The following IGSF11 variants were observed in gnomAD, a reference collection of about 807,000 sequenced individuals.
The protein encoded by IGSF11 is immunoglobulin superfamily member 11, also known as CXADR like 1.
IGSF11 carries 22 observed loss-of-function variants against 41.0 expected under a neutral mutation model. The ratio of observed to expected loss-of-function variants is 0.54; its 90% CI spans 0.38 to 0.77. The LOEUF (loss-of-function observed/expected upper bound fraction) is 0.77. Ranked by LOEUF, IGSF11 falls within the 30% of genes least tolerant of loss-of-function variation. The probability of loss-of-function intolerance (pLI) is 0.00; values close to 1 mark genes in which losing one functional copy is unlikely to be tolerated. For missense variants in IGSF11, 444 were observed against 530.8 expected, an observed-to-expected ratio of 0.84 and a Z score of 1.61; for synonymous variants, 219 against 201.3, an observed-to-expected ratio of 1.09 and a Z score of -0.74.
At chr3:119,023,401 T>C (rs1306424425) in intron 1 of IGSF11, among the ~76,000 whole-genome samples, 1 of 151,904 alleles carries the variant, frequency 6.6e-6, no homozygotes, top group African/African-American at 2.4e-5. Flanking sequence ...TGCCTACAAA[T>C]GGACTATGGG....
At chr3:118,962,736 G>T (rs1169951719) in intron 1 of IGSF11, among the ~76,000 whole-genome samples, 4 of 152,082 alleles carry the variant, frequency 2.6e-5, no homozygotes, top group Admixed American at 1.3e-4. Flanking sequence ...AAAAATAAAG[G>T]CTAGAATTCT....
intron 1 of IGSF11, among the ~76,000 whole-genome samples, chr3:119,134,972 C>G (rs1432016374): frequency 2.0e-5 from 3 of 152,180 alleles, no homozygotes; most frequent in Admixed American, 1.3e-4. Context: ...AAATGATTCC[C>G]TATTTAAAAG....
intron 1 of IGSF11, among the ~76,000 whole-genome samples, chr3:119,093,868 A>G (rs1470660243): frequency 6.6e-6 from 1 of 152,172 alleles, no homozygotes; most frequent in Non-Finnish European, 1.5e-5. Flanking sequence ...AAGTGAATAT[A>G]TGGATAATTT....
chr3:118,905,775 G>A, intron 4 of IGSF11, 57 bp from the exon 5 acceptor site: 1 of 1,594,266 alleles, frequency 6.3e-7, no homozygotes, highest in Non-Finnish European at 8.6e-7. Context: ...CAAAACCAAA[G>A]AAATCAGCGG....
chr3:119,037,415 C>G (rs2107745182), upstream of IGSF11, among the ~76,000 whole-genome samples: 1 of 152,238 alleles, frequency 6.6e-6, no homozygotes, highest in East Asian at 1.9e-4. Context: ...TACTTGCCTC[C>G]TAAAGATTTA....
intron 1 of IGSF11, among the ~76,000 whole-genome samples, chr3:119,072,465 G>A (rs190638310): frequency 9.2e-5 from 14 of 152,276 alleles, no homozygotes; most frequent in East Asian, 5.8e-4. Flanking sequence ...GAATGAAGCC[G>A]CGGACCCTCG....
intron 1 of IGSF11, among the ~76,000 whole-genome samples, chr3:119,062,384 T>A (rs1942082339): frequency 1.3e-5 from 2 of 152,192 alleles, no homozygotes. Flanking sequence ...ACATTAACAC[T>A]TCCACAAATG....
At position 118,904,817 on chromosome 3, in the gene IGSF11, A is replaced by G. The variant is rs1195012031; in HGVS notation, c.704-19T>C. 4.4e-6 allele frequency: 7 copies of G among 1,574,266 alleles called. No individual in the cohort carries two copies. Among genetic ancestry groups the G allele is most frequent in the South Asian group, 2.4e-5 (2 of 83,318 alleles). On this transcript the variant is annotated intron_variant, in intron 5 of 6. Transcript: ENST00000393775. ...GGCTGGGCTGCAAAATATATTTAAGATATATTTAAAGAAAAGAGAAAGAGA... is the reference window on the plus strand; with the variant it reads ...GGCTGGGCTGCAAAATATATTTAAGGTATATTTAAAGAAAAGAGAAAGAGA...
intron 1 of IGSF11, among the ~76,000 whole-genome samples, chr3:119,005,141 G>T (rs1422523541): frequency 2.7e-5 from 4 of 147,350 alleles, no homozygotes; most frequent in South Asian, 2.2e-4. Flanking sequence ...ATGAATCAGG[G>T]TGCTCCTGTA....
chr3:118,900,687 A>C lies in IGSF11; in HGVS notation c.*1833T>G, dbSNP rs75783650. 2.3e-3 allele frequency: 355 copies of C among 152,748 alleles called. 3 individuals are homozygous for C. Among genetic ancestry groups the C allele is most frequent in the African/African-American group, 8.0e-3 (333 of 41,582 alleles). 9.5% of individuals were successfully genotyped at this position (152,748 alleles called of 1,614,324 possible). A position where few individuals can be genotyped will look rare whatever the true frequency, so the allele number is the denominator to read the frequency against. ...ATAATTAGAAAGAATAAAGAAATGC[A>C]AGATAAATGCTTTCTAAACAGCATC... On this transcript the variant is annotated 3_prime_UTR_variant, in exon 7 of 7. Transcript: ENST00000393775.
chr3:119,084,299 G>A (rs1406288606), intron 1 of IGSF11, among the ~76,000 whole-genome samples: 3 of 152,128 alleles, frequency 2.0e-5, no homozygotes, highest in Admixed American at 6.5e-5. Flanking sequence ...CTCGTGTGGG[G>A]TGCCTAAATG....
At chr3:119,115,286 T>C (rs2077240076) in intron 1 of IGSF11, among the ~76,000 whole-genome samples, 2 of 152,208 alleles carry the variant, frequency 1.3e-5, no homozygotes, top group African/African-American at 4.8e-5. Context: ...TACTGGATCA[T>C]AAGGTAGCGC....
chr3:119,095,012 T>C (rs2076827404), intron 1 of IGSF11, among the ~76,000 whole-genome samples: 1 of 152,078 alleles, frequency 6.6e-6, no homozygotes, highest in Non-Finnish European at 1.5e-5. Flanking sequence ...GAAGGAGTTC[T>C]GTAATATTAT....
chr3:119,111,664 G>A (rs995786804), intron 1 of IGSF11, among the ~76,000 whole-genome samples: 5 of 152,194 alleles, frequency 3.3e-5, no homozygotes, highest in Non-Finnish European at 4.4e-5. Context: ...GAGGAGAGGC[G>A]CTCTGCTTTT....
chr3:119,130,213 T>C (rs1363129559), intron 1 of IGSF11, among the ~76,000 whole-genome samples: 1 of 152,176 alleles, frequency 6.6e-6, no homozygotes, highest in Non-Finnish European at 1.5e-5. Context: ...GGTTGGAGAA[T>C]GGGTGCAGCC....
chr3:118,994,929 G>A (rs1355048748), intron 1 of IGSF11, among the ~76,000 whole-genome samples: 1 of 152,160 alleles, frequency 6.6e-6, no homozygotes, highest in Non-Finnish European at 1.5e-5. Context: ...CGTGGAGGAA[G>A]GAAAGCAGGC....
chr3:119,107,033 T>G (rs1464042589), upstream of IGSF11, among the ~76,000 whole-genome samples: 1 of 152,230 alleles, frequency 6.6e-6, no homozygotes, highest in African/African-American at 2.4e-5. Context: ...TTGTAAATAG[T>G]GCCACAATCA....
chr3:118,995,134 A>C (rs1936140554), intron 1 of IGSF11, among the ~76,000 whole-genome samples: 2 of 152,238 alleles, frequency 1.3e-5, no homozygotes, highest in Non-Finnish European at 2.9e-5. Flanking sequence ...GGTTTTAAGC[A>C]GGTGAATGAA....
chr3:119,120,477 G>C lies in IGSF11; in HGVS notation c.-13-15272C>G, dbSNP rs75456176. ...GGCAAAAAAGAAGAGAGAGAAAAAAGGTTTCCTCATGCTGAGAAAGCAAGT... is the reference window on the plus strand; with the variant it reads ...GGCAAAAAAGAAGAGAGAGAAAAAACGTTTCCTCATGCTGAGAAAGCAAGT... On this transcript the variant is annotated intron_variant, in intron 1 of 7. Coordinates refer to the IGSF11 transcript ENST00000425327. Among the ~76,000 whole-genome samples the C allele has an allele frequency of 4.7e-3, 717 of 152,260 alleles. 7 individuals are homozygous for C. Among genetic ancestry groups the C allele is most frequent in the African/African-American group, 0.016 (664 of 41,566 alleles).
Sources: gnomAD v4.1 joint callset for allele counts (sites outside exome capture counted in the v4.1 genomes callset) on GRCh38, gnomAD v4.1.1 for gene constraint, MANE v1.5 for transcripts, NCBI Gene and HGNC (gene_info 2026-07-23, HGNC 2026-07-21) for gene names.